OR51B5: variants seen among roughly 807,000 people sequenced by gnomAD.
The protein encoded by OR51B5 is olfactory receptor family 51 subfamily B member 5.
For synonymous variants in OR51B5, 186 were observed against 144.8 expected, an observed-to-expected ratio of 1.28 and a Z score of -2.04; for missense variants, 456 against 374.6, an observed-to-expected ratio of 1.22 and a Z score of -1.79.
rs536689983 is a variant in OR51B5, at chr11:5,491,487, T to C, written n.84+14082A>G. Among the ~76,000 whole-genome samples, 13 of 151,910 alleles carry C rather than the reference T, an allele frequency of 8.6e-5. 1 individual carries two copies. The South Asian group carries it at 2.3e-3, about 27-fold the overall frequency. ...AGAATGATCAGAGGGGTGGAACAGA[T>C]TGGAAGAGGAGGAGGTACCAGGCAA... On this transcript the variant is annotated intron_variant and non_coding_transcript_variant, in intron 1 of 4. Transcript: ENST00000415970.
chr11:5,479,333 G>C (rs1851376873), intron 1 of OR51B5, among the ~76,000 whole-genome samples: 1 of 151,378 alleles, frequency 6.6e-6, no homozygotes, highest in South Asian at 2.1e-4. Flanking sequence ...TCACCACCAG[G>C]TCTGCCCTAA....
intron 1 of OR51B5, among the ~76,000 whole-genome samples, chr11:5,452,259 C>G (rs894524402): frequency 2.6e-5 from 4 of 152,040 alleles, no homozygotes; most frequent in South Asian, 2.1e-4. Context: ...AATCCCAGCA[C>G]TTTGGGAGGC....
chr11:5,489,724 C>T, intron 1 of OR51B5: 1 of 1,088,478 alleles, frequency 9.2e-7, no homozygotes, highest in South Asian at 1.4e-5. Context: ...GATACATTTA[C>T]ATGGACACAC....
chr11:5,418,783 C>T (rs71488565), intron 1 of OR51B5, among the ~76,000 whole-genome samples: 21,045 of 149,720 alleles, frequency 0.14, 1,794 homozygotes, highest in Non-Finnish European at 0.19. Flanking sequence ...ATGTAGGTGA[C>T]GGGTTGATAG....
intron 1 of OR51B5, chr11:5,390,696 A>C: frequency 7.9e-6 from 2 of 252,218 alleles, no homozygotes; most frequent in Non-Finnish European, 1.5e-5. Context: ...AGAACAATAA[A>C]TACCAGAGCA....
chr11:5,406,061 G>A (rs532558628), intron 1 of OR51B5, among the ~76,000 whole-genome samples: 2 of 152,262 alleles, frequency 1.3e-5, no homozygotes, highest in Admixed American at 6.5e-5. Context: ...AACTAGGGAG[G>A]TACAGGAAAA....
chr11:5,398,995 C>G (rs531156944), intron 1 of OR51B5, among the ~76,000 whole-genome samples: 2 of 152,296 alleles, frequency 1.3e-5, no homozygotes, highest in South Asian at 2.1e-4. Context: ...AACCCCATGT[C>G]ACAGTGTGAA....
At chr11:5,412,442 G>C (rs958875485) in intron 1 of OR51B5, among the ~76,000 whole-genome samples, 1 of 152,308 alleles carries the variant, frequency 6.6e-6, no homozygotes, top group Admixed American at 6.5e-5. Context: ...AGTGGGCGCA[G>C]GTCAGTGGGT....
chr11:5,483,530 AAAAG>A (rs1474313311), intron 1 of OR51B5, among the ~76,000 whole-genome samples: 1 of 147,612 alleles, frequency 6.8e-6, no homozygotes, highest in Non-Finnish European at 1.5e-5. Context: ...AAAAGAAAAG[AAAAG>A]AAAGAGTAGA....
chr11:5,496,982 T>G (rs1435853677), intron 1 of OR51B5, among the ~76,000 whole-genome samples: 1 of 151,966 alleles, frequency 6.6e-6, no homozygotes, highest in Non-Finnish European at 1.5e-5. Context: ...CATTGCTCAT[T>G]GGTCTCCAAC....
At chr11:5,422,342 C>G in intron 1 of OR51B5, 1 of 1,614,142 alleles carries the variant, frequency 6.2e-7, no homozygotes, top group Non-Finnish European at 8.5e-7. Context: ...TACCACCATC[C>G]TCACTGTCAT....
chr11:5,456,808 G>A (rs1207886046), intron 1 of OR51B5, among the ~76,000 whole-genome samples: 2 of 152,068 alleles, frequency 1.3e-5, no homozygotes, highest in African/African-American at 4.8e-5. Flanking sequence ...TGGATCATGG[G>A]GACAGATTTC....
At chr11:5,390,347 A>G (rs1171578946) in intron 1 of OR51B5, 4 of 1,609,386 alleles carry the variant, frequency 2.5e-6, no homozygotes, top group Non-Finnish European at 3.4e-6. Context: ...TGCCATTATC[A>G]AGTTCCTAGG....
Position 5,418,821 on chromosome 11 carries a change from T to C in OR51B5, n.85-71911A>G, listed in dbSNP as rs946879316. On this transcript the variant is annotated intron_variant and non_coding_transcript_variant, in intron 1 of 4. Transcript: ENST00000415970. ...GCAGCAAACCATCATGGCACGTGTA[T>C]ACCTATGTAACAAAGCTGCACATTC... Among the ~76,000 whole-genome samples the C allele has an allele frequency of 5.4e-5, 8 of 149,018 alleles. No individual in the cohort carries two copies. In the South Asian group the frequency reaches 1.5e-3, roughly 27 times the overall value.
intron 1 of OR51B5, among the ~76,000 whole-genome samples, chr11:5,504,948 G>T (rs1179245869): frequency 6.6e-6 from 1 of 152,154 alleles, no homozygotes; most frequent in Non-Finnish European, 1.5e-5. Context: ...TATGGCAAGA[G>T]AATTATCCAC....
chr11:5,366,991 T>C (rs745379227), intron 1 of OR51B5, among the ~76,000 whole-genome samples: 2 of 152,080 alleles, frequency 1.3e-5, no homozygotes, highest in Non-Finnish European at 2.9e-5. Flanking sequence ...CTCCCAAAGT[T>C]TGAAAATGCT....
At chr11:5,343,476 C>T (rs141505911) in exon 1 of OR51B5, 2 of 1,489,974 alleles carry the variant, frequency 1.3e-6, no homozygotes, top group South Asian at 1.2e-5. Context: ...TCCTCCAAGC[C>T]TGGAAAACCA....
intron 1 of OR51B5, chr11:5,393,378 T>G (rs1360857726): frequency 1.8e-5 from 1 of 55,910 alleles, no homozygotes; most frequent in Non-Finnish European, 4.5e-5. Flanking sequence ...TGGCAAAATA[T>G]TAAATAAAAA....
At chr11:5,452,518 A>G (rs1354259923) in intron 1 of OR51B5, among the ~76,000 whole-genome samples, 20 of 37,832 alleles carry the variant, frequency 5.3e-4, no homozygotes, top group African/African-American at 1.9e-3. Flanking sequence ...AAAAAAAAAA[A>G]AAAAAAAAAA....
Sources: allele counts gnomAD v4.1 joint callset (sites outside exome capture counted in the v4.1 genomes callset), GRCh38; gene constraint gnomAD v4.1.1; transcripts MANE v1.5; gene names NCBI Gene and HGNC (gene_info 2026-07-23, HGNC 2026-07-21).